RBFOX2: variants seen among roughly 807,000 people sequenced by gnomAD.
RBFOX2 encodes the protein RNA binding fox-1 homolog 2, also known as RNA binding protein fox-1 homolog 2.
RBFOX2 carries 10 observed loss-of-function variants against 49.1 expected under a neutral mutation model. The observed-to-expected ratio is 0.20, with a 90% CI of 0.13 to 0.35. The LOEUF is 0.35. Ranked by LOEUF, RBFOX2 falls within the 10% of genes least tolerant of loss-of-function variation. RBFOX2 has a pLI of 1.00. For synonymous variants in RBFOX2, 183 were observed against 187.4 expected, an observed-to-expected ratio of 0.98 and a Z score of 0.19; for missense variants, 323 against 486.9, an observed-to-expected ratio of 0.66 and a Z score of 3.17.
At chr22:35,948,314 T>A (rs1384972069) in intron 1 of RBFOX2, among the ~76,000 whole-genome samples, 1 of 152,162 alleles carries the variant, frequency 6.6e-6, no homozygotes, top group East Asian at 1.9e-4. Flanking sequence ...TTCTTTCAAT[T>A]TTCTTTACAA....
In RBFOX2 at chr22:35,910,972, C is replaced by T. The variant is rs116941904; in HGVS notation, c.-34+27875G>A. ...GGACTTATTTTAATTATTTCTGAAA[C>T]GGTTTATTTTTAGTAAATATAATAG... On this transcript the variant is annotated intron_variant, in intron 1 of 13. Coordinates refer to the RBFOX2 transcript ENST00000359369. Among the ~76,000 whole-genome samples the T allele has an allele frequency of 3.7e-3, 567 of 152,168 alleles. 1 individual carries two copies. The highest frequency in any genetic ancestry group is 6.1e-3 in the Non-Finnish European group (414 of 67,998).
chr22:35,832,269 AG>A (rs1419668782), intron 1 of RBFOX2, among the ~76,000 whole-genome samples: 3 of 152,090 alleles, frequency 2.0e-5, no homozygotes, highest in Admixed American at 6.6e-5. Context: ...GCTACTTGGG[AG>A]GCTGAGGCAG....
At chr22:35,940,005 T>C (rs2053532068), upstream of RBFOX2, among the ~76,000 whole-genome samples, 2 of 152,220 alleles carry the variant, frequency 1.3e-5, no homozygotes, top group South Asian at 4.1e-4. Context: ...TCTTCTTCCA[T>C]TCACTGTACT....
At chr22:35,821,525 G>A (rs1053892125) in intron 1 of RBFOX2, among the ~76,000 whole-genome samples, 4 of 150,498 alleles carry the variant, frequency 2.7e-5, no homozygotes, top group African/African-American at 9.8e-5. Context: ...GAACCTGGGA[G>A]GTGGAGGTGG....
intron 1 of RBFOX2, among the ~76,000 whole-genome samples, chr22:35,955,685 G>A (rs1299482984): frequency 1.3e-5 from 2 of 152,018 alleles, no homozygotes; most frequent in Non-Finnish European, 2.9e-5. Flanking sequence ...ATCTAATGCC[G>A]CCACTGATCT....
chr22:35,971,153 T>C (rs2037686946), intron 1 of RBFOX2, among the ~76,000 whole-genome samples: 1 of 152,084 alleles, frequency 6.6e-6, no homozygotes, highest in Non-Finnish European at 1.5e-5. Context: ...CAAGCCCACG[T>C]CAGAGCACAC....
chr22:35,824,649 C>T (rs1031934737), intron 1 of RBFOX2, among the ~76,000 whole-genome samples: 2 of 152,126 alleles, frequency 1.3e-5, no homozygotes, highest in African/African-American at 4.8e-5. Flanking sequence ...AGAAAGGTGG[C>T]CTGCGGAAGA....
chr22:35,938,197 C>T (rs1472144137), intron 1 of RBFOX2, among the ~76,000 whole-genome samples: 2 of 152,154 alleles, frequency 1.3e-5, no homozygotes, highest in Non-Finnish European at 2.9e-5. Flanking sequence ...TTCTTCTATC[C>T]TAACTCTGTT....
chr22:36,001,965 G>C (rs1372585469), intron 1 of RBFOX2, among the ~76,000 whole-genome samples: 1 of 152,070 alleles, frequency 6.6e-6, no homozygotes, highest in African/African-American at 2.4e-5. Flanking sequence ...TTGGGAGGCT[G>C]AGGCAGGAGA....
chr22:35,914,722 G>C lies in RBFOX2; in HGVS notation c.-34+24125C>G, dbSNP rs369341310. Among the ~76,000 whole-genome samples the C allele has an allele frequency of 4.6e-5, 7 of 152,304 alleles. No homozygotes were observed. In the East Asian group the frequency reaches 5.8e-4, roughly 13 times the overall value. ...ATCCATTCCTCTACGTGATTGGTTG[G>C]TTCCCAAAGGGGTGGGGAAGAGGAA... On this transcript the variant is annotated intron_variant, in intron 1 of 13. Transcript: ENST00000359369.
At chr22:35,900,424 GT>G (rs1381336661) in intron 1 of RBFOX2, among the ~76,000 whole-genome samples, 2 of 152,048 alleles carry the variant, frequency 1.3e-5, no homozygotes, top group African/African-American at 2.4e-5. Context: ...TCTCAAAAAT[GT>G]ACCTGAGAAA....
intron 1 of RBFOX2, among the ~76,000 whole-genome samples, chr22:35,981,779 G>A (rs1197810540): frequency 2.0e-5 from 3 of 152,056 alleles, no homozygotes; most frequent in Non-Finnish European, 2.9e-5. Flanking sequence ...TTTCACCAAT[G>A]TGAATTTGCA....
At chr22:35,858,575 C>T (rs1165741688) in intron 1 of RBFOX2, among the ~76,000 whole-genome samples, 2 of 152,042 alleles carry the variant, frequency 1.3e-5, no homozygotes, top group African/African-American at 2.4e-5. Context: ...CCTGTAATCC[C>T]AGCACTTTAG....
chr22:35,794,511 A>G (rs1222088735), intron 2 of RBFOX2, among the ~76,000 whole-genome samples: 1 of 152,048 alleles, frequency 6.6e-6, no homozygotes, highest in African/African-American at 2.4e-5. Context: ...ACAAAAAATT[A>G]GCCAGGCGTG....
intron 1 of RBFOX2, among the ~76,000 whole-genome samples, chr22:35,815,524 T>C (rs769371054): frequency 1.5e-4 from 23 of 152,218 alleles, no homozygotes; most frequent in Admixed American, 2.6e-4. Flanking sequence ...TTTGGTCACC[T>C]TGAGTCCCAC....
chr22:35,809,666 G>A, intron 2 of RBFOX2, 114 bp downstream of exon 3: 1 of 1,134,656 alleles, frequency 8.8e-7, no homozygotes. Flanking sequence ...GTGTAAATGA[G>A]AACAGGTGTA....
intron 1 of RBFOX2, among the ~76,000 whole-genome samples, chr22:35,905,069 A>T (rs568398969): frequency 6.6e-6 from 1 of 152,290 alleles, no homozygotes; most frequent in South Asian, 2.1e-4. Flanking sequence ...CAAAATTTTC[A>T]TCGGCAGGAA....
intron 1 of RBFOX2, among the ~76,000 whole-genome samples, chr22:35,988,627 C>T (rs2057828172): frequency 6.6e-6 from 1 of 151,984 alleles, no homozygotes; most frequent in Non-Finnish European, 1.5e-5. Flanking sequence ...AGTGAAGCTG[C>T]ATGGTATATG....
intron 1 of RBFOX2, among the ~76,000 whole-genome samples, chr22:35,867,079 C>A (rs183735280): frequency 8.1e-6 from 1 of 123,264 alleles, no homozygotes; most frequent in East Asian, 1.9e-4. Context: ...CACACACATG[C>A]ACACACACAC....
Sources: gnomAD v4.1 joint callset for allele counts (sites outside exome capture counted in the v4.1 genomes callset) on GRCh38, gnomAD v4.1.1 for gene constraint, MANE v1.5 for transcripts, NCBI Gene and HGNC (gene_info 2026-07-23, HGNC 2026-07-21) for gene names.